Variants in GBA2 observed in about 807,000 individuals in gnomAD.
GBA2 encodes non-lysosomal glucosylceramidase.
A neutral mutation model predicts 112.9 loss-of-function variants in GBA2; 79 were observed. The ratio of observed to expected loss-of-function variants is 0.70; its 90% CI spans 0.58 to 0.84. GBA2 has a LOEUF of 0.84. Ranked by LOEUF, GBA2 falls within the 40% of genes least tolerant of loss-of-function variation. The pLI is 0.00. For missense variants in GBA2, 1,043 were observed against 1,190.0 expected, an observed-to-expected ratio of 0.88 and a Z score of 1.82; for synonymous variants, 403 against 434.3, an observed-to-expected ratio of 0.93 and a Z score of 0.90.
rs1826303446 is a variant in GBA2 at position 35,737,671 on chromosome 9, T to C, written c.2505+77A>G. The C allele has an allele frequency of 6.2e-7, 1 of 1,612,472 alleles. No homozygotes were observed. Among genetic ancestry groups the C allele is most frequent in the Non-Finnish European group, 8.5e-7 (1 of 1,178,752 alleles). ...GACAAGATGGCATTGGGTTATGCCT[T>C]GAAGAAATTTGGTGGTTGAGGAAGT... On this transcript the variant is annotated intron_variant, in intron 16 of 16. Transcript: ENST00000378103. The surrounding 1 kb of genome is among the most constrained non-coding windows in gnomAD (Gnocchi z 4.1).
chr9:35,740,128 G>A lies in GBA2; in HGVS notation c.1284-5C>T, dbSNP rs778329469. The A allele has an allele frequency of 4.3e-6, 7 of 1,614,096 alleles. No homozygotes were observed. The highest frequency in any genetic ancestry group is 3.3e-5 in the Admixed American group (2 of 60,024). ...CCAAAGAACCTTGTATACCGCCTGG[G>A]GTGGGAAGGGGAAGGATGAACACAA... On this transcript the variant is annotated splice_region_variant and splice_polypyrimidine_tract_variant and intron_variant, in intron 7 of 16. Transcript: ENST00000378103. This position sits in a 1 kb window ranked among gnomAD's most constrained non-coding sequence, Gnocchi z 4.7.
rs749892510 is a variant in GBA2 at position 35,738,396 on chromosome 9, G to A, written c.2055-22C>T. The A allele has an allele frequency of 5.0e-6, 8 of 1,611,538 alleles. No homozygotes were observed. In the Admixed American group the frequency reaches 1.3e-4, roughly 27 times the overall value. On this transcript the variant is annotated intron_variant, in intron 13 of 16. Transcript: ENST00000378103. ...AGCACTGATCAGGGACATGGGTTTGGGGGTCAGACTGGCAGCTCCAGCTGC... is the reference window on the plus strand; with the variant it reads ...AGCACTGATCAGGGACATGGGTTTGAGGGTCAGACTGGCAGCTCCAGCTGC...
Position 35,741,663 on chromosome 9 carries a change from G to T in GBA2, c.786+9C>A, listed in dbSNP as rs374309697. ...AGGGCAATGGAAGATACAGATGTGG[G>T]GGCCTCACCTGGTAGTCATGGGGCA... On this transcript the variant is annotated intron_variant, in intron 4 of 16. Coordinates refer to ENST00000378103, the MANE Select transcript of GBA2 (RefSeq NM_020944.3). This position sits in a 1 kb window ranked among gnomAD's most constrained non-coding sequence, Gnocchi z 4.6. 456 of 1,525,452 alleles carry T rather than the reference G, an allele frequency of 3.0e-4. 1 individual carries two copies. Among genetic ancestry groups the T allele is most frequent in the South Asian group, 1.2e-3 (111 of 89,374 alleles). The allele number at this position is 1,525,452 out of a possible 1,614,324, so 94.5% of individuals were successfully genotyped here.
Position 35,741,637 on chromosome 9 carries a change from G to A in GBA2, c.786+35C>T. 7.4e-7 allele frequency: 1 copy of A among 1,345,068 alleles called. No homozygotes were observed. The highest frequency in any genetic ancestry group is 1.1e-6 in the Non-Finnish European group (1 of 934,558). The allele number at this position is 1,345,068 out of a possible 1,614,324, so 83.3% of individuals were successfully genotyped here. A position where few individuals can be genotyped will look rare whatever the true frequency, so the allele number is the denominator to read the frequency against. On this transcript the variant is annotated intron_variant, in intron 4 of 16. Coordinates refer to ENST00000378103, the MANE Select transcript of GBA2 (RefSeq NM_020944.3). The surrounding 1 kb of genome is among the most constrained non-coding windows in gnomAD (Gnocchi z 4.6). ...TAGCAGAGGCAGGTCCTGGGGAAGG[G>A]AGGGCAATGGAAGATACAGATGTGG...
chr9:35,744,857 G>A, intron 1 of GBA2, 151 bp from the exon 2 acceptor site: 1 of 621,226 alleles, frequency 1.6e-6, no homozygotes, highest in Non-Finnish European at 2.9e-6. Context: ...TACAGTTCAA[G>A]GTCCCTTCAT....
In GBA2 at chr9:35,744,603, G is replaced by C. The variant is rs916025952; in HGVS notation, c.451+12C>G. Reference sequence around the variant, plus strand: ...CCTTCTCTGAGCAGAGCAGAGATGGGGTGGGGCTCACCATAAATCTGTCTT... The same window carrying C: ...CCTTCTCTGAGCAGAGCAGAGATGGCGTGGGGCTCACCATAAATCTGTCTT... On this transcript the variant is annotated intron_variant, in intron 2 of 16. Coordinates refer to ENST00000378103, the MANE Select transcript of GBA2 (RefSeq NM_020944.3). 6.5e-7 allele frequency: 1 copy of C among 1,527,682 alleles called. No homozygotes were observed. Among genetic ancestry groups the C allele is most frequent in the Middle Eastern group, 1.7e-4 (1 of 5,894 alleles). The allele number at this position is 1,527,682 out of a possible 1,614,324, so 94.6% of individuals were successfully genotyped here. A position where few individuals can be genotyped will look rare whatever the true frequency, so the allele number is the denominator to read the frequency against.
Position 35,740,725 on chromosome 9 carries a change from C to T in GBA2, c.1027-97G>A, listed in dbSNP as rs1476833538. The T allele has an allele frequency of 3.9e-6, 6 of 1,547,476 alleles. No individual in the cohort carries two copies. The highest frequency in any genetic ancestry group is 4.4e-6 in the Non-Finnish European group (5 of 1,125,114). ...TCTTACTTACTCTTAACCTCCCAGG[C>T]CCAGGGGCTTACAGGAGTATGATGA... On this transcript the variant is annotated intron_variant, in intron 5 of 16. Coordinates refer to ENST00000378103, the MANE Select transcript of GBA2 (RefSeq NM_020944.3). This position sits in a 1 kb window ranked among gnomAD's most constrained non-coding sequence, Gnocchi z 4.7.
chr9:35,737,978 A>C lies in GBA2; in HGVS notation c.2314-39T>G, dbSNP rs1229816553. The C allele has an allele frequency of 1.3e-6, 2 of 1,599,248 alleles. No individual in the cohort carries two copies. The highest frequency in any genetic ancestry group is 2.2e-5 in the East Asian group (1 of 44,638). ...GGCAGGAACATGGTCTCATATACTT[A>C]CTTCCCACCTCCAGGGAAAACCCAT... On this transcript the variant is annotated intron_variant, in intron 15 of 16. Transcript: ENST00000378103. The surrounding 1 kb of genome is among the most constrained non-coding windows in gnomAD (Gnocchi z 4.1).
At position 35,741,130 on chromosome 9, in the gene GBA2, T is replaced by A. The variant is rs567600686; in HGVS notation, c.787-66A>T. The A allele has an allele frequency of 1.1e-5, 18 of 1,577,108 alleles. No individual in the cohort carries two copies. The East Asian group carries it at 3.4e-4, about 29-fold the overall frequency. On this transcript the variant is annotated intron_variant, in intron 4 of 16. Coordinates refer to ENST00000378103, the MANE Select transcript of GBA2 (RefSeq NM_020944.3). The surrounding 1 kb of genome is among the most constrained non-coding windows in gnomAD (Gnocchi z 4.6). ...GCCTCCTGACCCCACTCTGCTAGGA[T>A]CAGTCCTGGGCACACAGAGGACCTG...
Position 35,748,947 on chromosome 9 carries a change from C to A in GBA2, c.-243G>T. 2.6e-6 allele frequency: 1 copy of A among 390,228 alleles called. No individual in the cohort carries two copies. Among genetic ancestry groups the A allele is most frequent in the Non-Finnish European group, 4.5e-6 (1 of 220,766 alleles). 24.2% of individuals were successfully genotyped at this position (390,228 alleles called of 1,614,324 possible). A position where few individuals can be genotyped will look rare whatever the true frequency, so the allele number is the denominator to read the frequency against. On this transcript the variant is annotated 5_prime_UTR_variant, in exon 1 of 17. Transcript: ENST00000378103. ...TAGGTCCTGGACGGGAAGGGTCGGG[C>A]CTCGTCGTCATTGAGCCGACGATTA...
At position 35,743,043 on chromosome 9, in the gene GBA2, T is replaced by G. The variant is rs1404995519; in HGVS notation, c.568-1153A>C. 2.0e-5 allele frequency among the ~76,000 whole-genome samples: 3 copies of G among 152,252 alleles called. No individual in the cohort carries two copies. The East Asian group carries it at 5.8e-4, about 29-fold the overall frequency. ...TATTATAAGTAATCTACAGATGATT[T>G]AAAGTATATAGGAGGATGTGCAATG... On this transcript the variant is annotated intron_variant, in intron 3 of 16. Coordinates refer to ENST00000378103, the MANE Select transcript of GBA2 (RefSeq NM_020944.3).
At position 35,737,578 on chromosome 9, in the gene GBA2, C is replaced by A. The variant is rs986400572; in HGVS notation, c.2506-131G>T. On this transcript the variant is annotated intron_variant, in intron 16 of 16. Transcript: ENST00000378103. This position sits in a 1 kb window ranked among gnomAD's most constrained non-coding sequence, Gnocchi z 4.1. Reference sequence around the variant, plus strand: ...AGCAAGTGGAGGAGATAACTATGACCCACAGACAGAAGCCTGAAGGCAGGA... The same window carrying A: ...AGCAAGTGGAGGAGATAACTATGACACACAGACAGAAGCCTGAAGGCAGGA... The A allele has an allele frequency of 6.4e-7, 1 of 1,558,030 alleles. No homozygotes were observed. The highest frequency in any genetic ancestry group is 1.4e-5 in the African/African-American group (1 of 73,428).
intron 1 of GBA2, among the ~76,000 whole-genome samples, chr9:35,745,545 CTTT>C (rs534174969): frequency 6.0e-5 from 8 of 132,884 alleles, no homozygotes; most frequent in East Asian, 4.2e-4. Flanking sequence ...CCTCTCAAGC[CTTT>C]TTTTTTTTTT....
In GBA2 at chr9:35,742,983, C is replaced by T. The variant is rs868015938; in HGVS notation, c.568-1093G>A. Among the ~76,000 whole-genome samples the T allele has an allele frequency of 1.4e-4, 21 of 152,070 alleles. 1 individual carries two copies. Among genetic ancestry groups the T allele is most frequent in the Non-Finnish European group, 2.9e-5 (2 of 68,018 alleles). ...ATATGTACACACTTTATTTACTGTA[C>T]GGCACAACAAGGGTTTATGTAACAA... On this transcript the variant is annotated intron_variant, in intron 3 of 16. Coordinates refer to ENST00000378103, the MANE Select transcript of GBA2 (RefSeq NM_020944.3).
chr9:35,748,464 C>T lies in GBA2; in HGVS notation c.241G>A (p.Val81Met). The T allele has an allele frequency of 6.2e-7, 1 of 1,614,148 alleles. No individual in the cohort carries two copies. The highest frequency in any genetic ancestry group is 1.1e-5 in the South Asian group (1 of 91,090). Residue 81 changes from valine (V) to methionine (M), a missense_variant, in exon 1 of 17, where the codon GTG becomes ATG. Val to Met is a conservative substitution (Grantham distance 21). Transcript: ENST00000378103. ...SYEGKAMGYQ[V>M]PPFGWRICLA... ...CAGATGCGCCAGCCAAAGGGAGGCA[C>T]CTGGTAGCCCATAGCTTTACCCTCA...
chr9:35,744,787 A>T, intron 1 of GBA2, 81 bp from the exon 2 acceptor site: 1 of 773,976 alleles, frequency 1.3e-6, no homozygotes, highest in Non-Finnish European at 2.4e-6. Flanking sequence ...TCTCTCTGTG[A>T]CCTCCCATTA....
intron 3 of GBA2, 197 bp from the exon 4 acceptor site, chr9:35,742,087 TC>T: frequency 1.6e-6 from 1 of 616,204 alleles, no homozygotes; most frequent in Non-Finnish European, 2.9e-6. Context: ...AAGCTTTCTC[TC>T]CCTTCTCCAC....
At chr9:35,738,701 A>G in intron 12 of GBA2, 51 bp downstream of exon 12, 2 of 1,609,004 alleles carry the variant, frequency 1.2e-6, no homozygotes, top group Non-Finnish European at 1.7e-6. Context: ...GGCTCTTCCC[A>G]GACACCAACC....
In GBA2 at chr9:35,741,614, G is replaced by C; in HGVS notation, c.786+58C>G. On this transcript the variant is annotated intron_variant, in intron 4 of 16. Transcript: ENST00000378103. The surrounding 1 kb of genome is among the most constrained non-coding windows in gnomAD (Gnocchi z 4.6). The stretch of plus-strand genomic sequence containing the variant: ...CGCCTCGCAGGCCATGCAGTTTCTA[G>C]CAGAGGCAGGTCCTGGGGAAGGGAG... 8.5e-7 allele frequency: 1 copy of C among 1,172,378 alleles called. No homozygotes were observed. Among genetic ancestry groups the C allele is most frequent in the East Asian group, 2.3e-5 (1 of 42,848 alleles). 72.6% of individuals were successfully genotyped at this position (1,172,378 alleles called of 1,614,324 possible).
Sources: gnomAD v4.1 joint callset for allele counts (sites outside exome capture counted in the v4.1 genomes callset) on GRCh38, gnomAD v4.1.1 for gene constraint, Gnocchi (gnomAD v3.1) non-coding constraint, MANE v1.5 for transcripts, NCBI Gene and HGNC (gene_info 2026-07-23, HGNC 2026-07-21) for gene names.